Variants in PPM1H observed in about 807,000 individuals in gnomAD.
The protein encoded by PPM1H is protein phosphatase 1H.
In PPM1H, 27 loss-of-function variants were observed where a neutral mutation model predicts 54.9. The ratio of observed to expected loss-of-function variants is 0.49; its 90% confidence interval spans 0.36 to 0.68. The LOEUF is 0.68. Ranked by LOEUF, PPM1H falls within the 30% of genes least tolerant of loss-of-function variation. The pLI, the probability that PPM1H is intolerant of heterozygous loss-of-function variation, is 0.00. For missense variants in PPM1H, 596 were observed against 667.8 expected (o/e 0.89, Z 1.19); for synonymous variants, 305 against 270.8 (o/e 1.13, Z -1.24).
chr12:62,706,056 A>G (rs2076172502), intron 6 of PPM1H, among the ~76,000 whole-genome samples: 1 of 152,230 alleles, frequency 6.6e-6, no homozygotes, highest in African/African-American at 2.4e-5. Context: ...CCCTGGGAGA[A>G]GCCACATGCA....
chr12:62,851,606 G>A (rs1417343378), intron 1 of PPM1H, among the ~76,000 whole-genome samples: 2 of 152,108 alleles, frequency 1.3e-5, no homozygotes, highest in African/African-American at 4.8e-5. Flanking sequence ...GGGAGGCTGA[G>A]GCAGGAGAAT....
rs1201560631 is a variant in PPM1H at position 62,847,236 on chromosome 12, AAC to A, written c.246-14959_246-14958del. Among the ~76,000 whole-genome samples, 4 of 152,156 alleles carry A rather than the reference AAC, an allele frequency of 2.6e-5. 1 individual carries two copies. The highest frequency in any genetic ancestry group is 5.9e-5 in the Non-Finnish European group (4 of 68,024). On this transcript the variant is annotated intron_variant, in intron 1 of 9. Coordinates refer to ENST00000228705, the MANE Select transcript of PPM1H (RefSeq NM_020700.2). ...GAGTACATGTTGGAAATAGAATCTCAACAGAGTCCCTAGTTCTAGGTGTTCCC... is the reference window on the plus strand; with the variant it reads ...GAGTACATGTTGGAAATAGAATCTCAAGAGTCCCTAGTTCTAGGTGTTCCC...
intron 1 of PPM1H, among the ~76,000 whole-genome samples, chr12:62,914,396 C>T (rs1871556613): frequency 6.6e-6 from 1 of 152,160 alleles, no homozygotes; most frequent in Non-Finnish European, 1.5e-5. Flanking sequence ...TTTGGTATTC[C>T]TTTACAGCAA....
At chr12:62,904,384 C>T (rs1159296191) in intron 1 of PPM1H, among the ~76,000 whole-genome samples, 1 of 152,098 alleles carries the variant, frequency 6.6e-6, no homozygotes, top group Non-Finnish European at 1.5e-5. Flanking sequence ...ACCGTAGGCA[C>T]ACATCATGAT....
chr12:62,924,765 G>T (rs889957515), intron 1 of PPM1H, among the ~76,000 whole-genome samples: 1 of 152,194 alleles, frequency 6.6e-6, no homozygotes, highest in Admixed American at 6.5e-5. Flanking sequence ...CAATTAGCCG[G>T]GTGTGGTGGC....
At chr12:62,729,120 G>C (rs892802941) in intron 5 of PPM1H, among the ~76,000 whole-genome samples, 2 of 152,164 alleles carry the variant, frequency 1.3e-5, no homozygotes, top group African/African-American at 4.8e-5. Flanking sequence ...CACAAAAAGA[G>C]GACCCTCTGC....
intron 1 of PPM1H, among the ~76,000 whole-genome samples, chr12:62,922,823 G>A (rs1245818298): frequency 2.0e-5 from 3 of 152,186 alleles, no homozygotes; most frequent in South Asian, 4.1e-4. Context: ...TTCATCATGA[G>A]CACTTTTCAG....
At chr12:62,689,354 G>A (rs904659703) in intron 8 of PPM1H, among the ~76,000 whole-genome samples, 3 of 152,218 alleles carry the variant, frequency 2.0e-5, no homozygotes, top group African/African-American at 7.2e-5. Context: ...GTGAATGGGA[G>A]TCTGAGCTTT....
intron 5 of PPM1H, among the ~76,000 whole-genome samples, chr12:62,736,650 G>A (rs1303220539): frequency 6.6e-6 from 1 of 152,234 alleles, no homozygotes; most frequent in East Asian, 1.9e-4. Flanking sequence ...CTGAAATGCA[G>A]AGATGCAAAG....
At chr12:62,803,037 C>T (rs1272296662) in intron 2 of PPM1H, among the ~76,000 whole-genome samples, 1 of 152,166 alleles carries the variant, frequency 6.6e-6, no homozygotes, top group Non-Finnish European at 1.5e-5. Context: ...ATAATTGTCC[C>T]ATCTTTCTTG....
intron 5 of PPM1H, chr12:62,720,528 G>A: frequency 4.1e-6 from 2 of 483,712 alleles, no homozygotes; most frequent in Non-Finnish European, 7.4e-6. Context: ...GTAACCAAAT[G>A]CATAGCTGAA....
At chr12:62,929,624 T>A (rs912002103) in intron 1 of PPM1H, among the ~76,000 whole-genome samples, 1 of 152,170 alleles carries the variant, frequency 6.6e-6, no homozygotes. Context: ...CCCCCCTGCA[T>A]GGTTAAACCC....
At chr12:62,797,375 C>G (rs1009852433) in intron 3 of PPM1H, among the ~76,000 whole-genome samples, 2 of 152,056 alleles carry the variant, frequency 1.3e-5, no homozygotes, top group Non-Finnish European at 2.9e-5. Flanking sequence ...AGCTGAAATG[C>G]CTATATGACA....
chr12:62,918,826 CTCA>C (rs1871702731), intron 1 of PPM1H, among the ~76,000 whole-genome samples: 1 of 152,180 alleles, frequency 6.6e-6, no homozygotes, highest in Non-Finnish European at 1.5e-5. Context: ...AGTGAAAAAA[CTCA>C]TCAGTATGTA....
rs769134849 is a variant in PPM1H, at chr12:62,720,151, A to G, written c.1073+20T>C. Reference sequence around the variant, plus strand: ...CACACACACTGTGTGGTTCCGAGGCAGAGGAAGGCATGTTCTTACCAGCCT... The same window carrying G: ...CACACACACTGTGTGGTTCCGAGGCGGAGGAAGGCATGTTCTTACCAGCCT... On this transcript the variant is annotated intron_variant, in intron 6 of 9. Transcript: ENST00000228705. The G allele has an allele frequency of 5.2e-6, 8 of 1,548,158 alleles. No homozygotes were observed. Among genetic ancestry groups the G allele is most frequent in the Non-Finnish European group, 8.9e-7 (1 of 1,120,116 alleles).
In PPM1H at chr12:62,870,896, A is replaced by T. The variant is rs183558975; in HGVS notation, c.246-38617T>A. Among the ~76,000 whole-genome samples, 665 of 152,346 alleles carry T rather than the reference A, an allele frequency of 4.4e-3. 14 individuals carry two copies. Among genetic ancestry groups the T allele is most frequent in the African/African-American group, 0.015 (637 of 41,578 alleles). On this transcript the variant is annotated intron_variant, in intron 1 of 9. Transcript: ENST00000228705. ...TCACACCCACTGGGCTGGGTATTAT[A>T]AAAAAAGATACAATAACAAGTGTTG... is the stretch of plus-strand genomic sequence containing the variant.
intron 4 of PPM1H, among the ~76,000 whole-genome samples, chr12:62,751,924 C>A (rs895281217): frequency 2.0e-5 from 3 of 152,202 alleles, no homozygotes; most frequent in African/African-American, 7.2e-5. Context: ...ATGCTGCACA[C>A]CAGCCCTACC....
chr12:62,872,311 G>C (rs1295142962), intron 1 of PPM1H, among the ~76,000 whole-genome samples: 3 of 152,198 alleles, frequency 2.0e-5, no homozygotes, highest in Non-Finnish European at 4.4e-5. Flanking sequence ...CTACATTACA[G>C]CCTGTGATGC....
At chr12:62,857,458 T>C (rs1219795567) in intron 1 of PPM1H, among the ~76,000 whole-genome samples, 1 of 152,220 alleles carries the variant, frequency 6.6e-6, no homozygotes, top group Non-Finnish European at 1.5e-5. Context: ...TCCTAGTTTT[T>C]TAAAAAATTT....
Sources: allele counts gnomAD v4.1 joint callset (sites outside exome capture counted in the v4.1 genomes callset), GRCh38; gene constraint gnomAD v4.1.1; transcripts MANE v1.5; gene names NCBI Gene and HGNC (gene_info 2026-07-23, HGNC 2026-07-21).